DIS3L2: variants seen among roughly 807,000 people sequenced by gnomAD.
The protein encoded by DIS3L2 is DIS3-like exonuclease 2.
A neutral mutation model predicts 97.5 loss-of-function variants in DIS3L2; 34 were observed. The observed-to-expected ratio is 0.35, with a 90% CI of 0.27 to 0.46. DIS3L2 has a LOEUF of 0.46. Among genes scored for constraint, DIS3L2 ranks in the 20% least tolerant of loss-of-function variants. The pLI, the probability that DIS3L2 is intolerant of heterozygous loss-of-function variation, is 1.00. For missense variants in DIS3L2, 1,038 were observed against 1,146.0 expected (o/e 0.91, Z 1.36); for synonymous variants, 435 against 445.2 (o/e 0.98, Z 0.29).
At chr2:232,179,972 A>G (rs1480506646) in intron 9 of DIS3L2, among the ~76,000 whole-genome samples, 1 of 125,654 alleles carries the variant, frequency 8.0e-6, no homozygotes, top group Non-Finnish European at 1.5e-5. Context: ...CCCTGTACAC[A>G]CTGCTTTGAA....
chr2:232,211,426 G>T (rs996837743), intron 10 of DIS3L2, among the ~76,000 whole-genome samples: 1 of 152,146 alleles, frequency 6.6e-6, no homozygotes, highest in Non-Finnish European at 1.5e-5. Context: ...CATCACAGGC[G>T]TCAACCACCA....
At chr2:232,284,947 C>T (rs1402480859) in intron 13 of DIS3L2, among the ~76,000 whole-genome samples, 2 of 152,000 alleles carry the variant, frequency 1.3e-5, no homozygotes, top group African/African-American at 2.4e-5. Flanking sequence ...AAGGAGAGCC[C>T]GAAGGAGACT....
chr2:232,017,133 A>G (rs1048168343), intron 3 of DIS3L2, among the ~76,000 whole-genome samples: 4 of 152,148 alleles, frequency 2.6e-5, no homozygotes, highest in African/African-American at 9.7e-5. Context: ...TCTGTTGCCC[A>G]GGCTGGAGTG....
At position 231,966,641 on chromosome 2, in the gene DIS3L2, A is replaced by ATTTTTTTTTTTT. The variant is rs36151054; in HGVS notation, c.-94+4899_-94+4910dup. Among the ~76,000 whole-genome samples the ATTTTTTTTTTTT allele has an allele frequency of 1.4e-3, 72 of 50,396 alleles. 2 individuals are homozygous for ATTTTTTTTTTTT. The highest frequency in any genetic ancestry group is 1.8e-3 in the Admixed American group (5 of 2,746). The allele number at this position is 50,396 out of a possible 152,430, so 33.1% of individuals were successfully genotyped here. A position where few individuals can be genotyped will look rare whatever the true frequency, so the allele number is the denominator to read the frequency against. ...CACCATGCCCAGCTAGTTAAAAAACATTTTTTTTTTTTTTTTTTTTTTTTT... is the reference window on the plus strand; with the variant it reads ...CACCATGCCCAGCTAGTTAAAAAACATTTTTTTTTTTTTTTTTTTTTTTTTTTTTTTTTTTTT... On this transcript the variant is annotated intron_variant, in intron 1 of 20. Coordinates refer to ENST00000325385, the MANE Select transcript of DIS3L2 (RefSeq NM_152383.5).
At chr2:232,330,449 G>T (rs1195286007) in intron 15 of DIS3L2, among the ~76,000 whole-genome samples, 1 of 152,200 alleles carries the variant, frequency 6.6e-6, no homozygotes, top group Non-Finnish European at 1.5e-5. Context: ...GAAGGCAGGT[G>T]CCCCAGGCCA....
At position 232,249,301 on chromosome 2, in the gene DIS3L2, C is replaced by T; in HGVS notation, c.1380C>T (p.Asp460=). 6.2e-7 allele frequency: 1 copy of T among 1,614,250 alleles called. No homozygotes were observed. The highest frequency in any genetic ancestry group is 1.3e-5 in the African/African-American group (1 of 75,062). ...TGTGCAGCCTCAACCCCATGTCCGA[C>T]AAGCTGACCTTCTCTGTGATCTGGA... The part of the protein sequence containing the change: ...EELCSLNPMS[D]KLTFSVIWTL... The change falls in exon 12 of 21, where the codon GAC becomes GAT. Residue 460 remains aspartate (D), a synonymous_variant. Coordinates refer to ENST00000325385, the MANE Select transcript of DIS3L2 (RefSeq NM_152383.5).
rs1021517036 is a variant in DIS3L2, at chr2:232,075,448, C to A, written c.367-12039C>A. Among the ~76,000 whole-genome samples the A allele has an allele frequency of 4.6e-5, 7 of 152,134 alleles. No individual in the cohort carries two copies. The East Asian group carries it at 9.6e-4, about 21-fold the overall frequency. ...GCTCACTCCTATTCCTTGTTGAAAC[C>A]CCATTATTTGAGTCTTCCCCAAGGG... On this transcript the variant is annotated intron_variant, in intron 5 of 20. Coordinates refer to ENST00000325385, the MANE Select transcript of DIS3L2 (RefSeq NM_152383.5).
At chr2:232,216,503 C>G (rs1292295503) in intron 10 of DIS3L2, among the ~76,000 whole-genome samples, 1 of 152,188 alleles carries the variant, frequency 6.6e-6, no homozygotes, top group Non-Finnish European at 1.5e-5. Flanking sequence ...CTCTCCCTTT[C>G]AGGTTTGATT....
At chr2:232,121,913 C>CAGGTATGT (rs1697919620) in intron 6 of DIS3L2, among the ~76,000 whole-genome samples, 1 of 152,170 alleles carries the variant, frequency 6.6e-6, no homozygotes, top group South Asian at 2.1e-4. Flanking sequence ...CCTCTCTAGC[C>CAGGTATGT]AGGACCTTCC....
intron 3 of DIS3L2, among the ~76,000 whole-genome samples, chr2:232,017,231 A>G (rs1456957441): frequency 6.6e-6 from 1 of 151,934 alleles, no homozygotes; most frequent in Non-Finnish European, 1.5e-5. Context: ...GGATTACAGA[A>G]GGTAAAAATT....
At chr2:232,110,373 G>C (rs1050413995) in intron 6 of DIS3L2, among the ~76,000 whole-genome samples, 6 of 152,022 alleles carry the variant, frequency 3.9e-5, no homozygotes, top group African/African-American at 9.7e-5. Flanking sequence ...AAATCATTCT[G>C]TTATGAAGAC....
chr2:232,015,091 A>G, intron 2 of DIS3L2, 112 bp downstream of exon 2: 1 of 1,012,478 alleles, frequency 9.9e-7, no homozygotes, highest in South Asian at 1.6e-5. Flanking sequence ...TAATTCTTTT[A>G]GTGACCTGTT....
rs572796180 is a variant in DIS3L2 at position 232,293,432 on chromosome 2, G to A, written c.1660-6608G>A. 2.6e-5 allele frequency among the ~76,000 whole-genome samples: 4 copies of A among 152,296 alleles called. No homozygotes were observed. The East Asian group carries it at 7.7e-4, about 29-fold the overall frequency. On this transcript the variant is annotated intron_variant, in intron 13 of 20. Coordinates refer to ENST00000325385, the MANE Select transcript of DIS3L2 (RefSeq NM_152383.5). The surrounding 1 kb of genome is among the most constrained non-coding windows in gnomAD (Gnocchi z 4.6). Reference sequence around the variant, plus strand: ...AATACCTCTGGCATTCCAGCGAAGGGGAAAACAAAAGATCAGGGCCACTTT... The same window carrying A: ...AATACCTCTGGCATTCCAGCGAAGGAGAAAACAAAAGATCAGGGCCACTTT...
rs1253325089 is a variant in DIS3L2, at chr2:232,243,799, G to A, written c.1317+5154G>A. ...CCACTGTTATCTTTGCTGTCCCCTC[G>A]GAGATAGGGTCCTTCTCCCGCTTCC... On this transcript the variant is annotated intron_variant, in intron 11 of 20. Coordinates refer to ENST00000325385, the MANE Select transcript of DIS3L2 (RefSeq NM_152383.5). 4.6e-5 allele frequency among the ~76,000 whole-genome samples: 7 copies of A among 152,310 alleles called. 1 individual carries two copies. In the South Asian group the frequency reaches 8.3e-4, roughly 18 times the overall value.
chr2:232,175,076 G>C lies in DIS3L2; in HGVS notation c.1124+11444G>C, dbSNP rs533307398. On this transcript the variant is annotated intron_variant, in intron 9 of 20. Coordinates refer to ENST00000325385, the MANE Select transcript of DIS3L2 (RefSeq NM_152383.5). ...ACTCTTAGGCTCAAGTGATCTGCCCGCCCCGGCCTCCCAAAGTGCTGGGAT... is the reference window on the plus strand; with the variant it reads ...ACTCTTAGGCTCAAGTGATCTGCCCCCCCCGGCCTCCCAAAGTGCTGGGAT... Among the ~76,000 whole-genome samples the C allele has an allele frequency of 4.6e-5, 7 of 152,068 alleles. No individual in the cohort carries two copies. In the East Asian group the frequency reaches 1.2e-3, roughly 25 times the overall value.
At chr2:232,211,131 C>A (rs983757943) in intron 10 of DIS3L2, among the ~76,000 whole-genome samples, 2 of 151,654 alleles carry the variant, frequency 1.3e-5, no homozygotes, top group Non-Finnish European at 2.9e-5. Flanking sequence ...CCACCTCCCC[C>A]TCTCCCCCTC....
chr2:232,332,235 T>C (rs1378243948), intron 16 of DIS3L2, among the ~76,000 whole-genome samples: 3 of 146,168 alleles, frequency 2.1e-5, no homozygotes, highest in Non-Finnish European at 4.5e-5. Context: ...TGTCTGGGAG[T>C]GGAGGCTGTG....
chr2:232,271,282 C>G (rs1432231146), intron 13 of DIS3L2, among the ~76,000 whole-genome samples: 1 of 152,186 alleles, frequency 6.6e-6, no homozygotes, highest in East Asian at 1.9e-4. Context: ...ATTCTCAGAT[C>G]CTCAGAGAAC....
rs1693928718 is a variant in DIS3L2 at position 232,269,456 on chromosome 2, T to C, written c.1659+6016T>C. Among the ~76,000 whole-genome samples the C allele has an allele frequency of 6.6e-6, 1 of 152,166 alleles. No homozygotes were observed. Among genetic ancestry groups the C allele is most frequent in the Non-Finnish European group, 1.5e-5 (1 of 68,034 alleles). ...GAGTATATTTGTAGAATCATTCTGT[T>C]TTCTTAGTCGTAGAGCTTTTCTATA... On this transcript the variant is annotated intron_variant, in intron 13 of 20. Transcript: ENST00000325385. This position sits in a 1 kb window ranked among gnomAD's most constrained non-coding sequence, Gnocchi z 4.5.
Sources: allele counts gnomAD v4.1 joint callset (sites outside exome capture counted in the v4.1 genomes callset), GRCh38; gene constraint gnomAD v4.1.1; non-coding constraint Gnocchi (gnomAD v3.1); transcripts MANE v1.5; gene names NCBI Gene and HGNC (gene_info 2026-07-23, HGNC 2026-07-21).